Variants in MALRD1 observed in about 807,000 individuals in gnomAD.
MALRD1 encodes the protein MAM and LDL-receptor class A domain-containing protein 1.
In MALRD1, 247 loss-of-function variants were observed where a neutral mutation model predicts 242.1. The ratio of observed to expected loss-of-function variants is 1.02; its 90% CI spans 0.92 to 1.13. The LOEUF (loss-of-function observed/expected upper bound fraction) is 1.13. MALRD1 is among the 50% of genes most tolerant of loss of function. MALRD1 has a pLI of 0.00. For synonymous variants in MALRD1, 995 were observed against 866.6 expected (o/e 1.15, Z -2.60); for missense variants, 2,989 against 2,533.1 (o/e 1.18, Z -3.86).
intron 19 of MALRD1, among the ~76,000 whole-genome samples, chr10:19,268,779 G>A (rs1287520724): frequency 2.0e-5 from 3 of 152,102 alleles, no homozygotes; most frequent in Non-Finnish European, 4.4e-5. Context: ...AAACAAGTTG[G>A]AAAATCTATT....
At chr10:19,088,759 C>T (rs1459466284) in intron 4 of MALRD1, among the ~76,000 whole-genome samples, 3 of 76,374 alleles carry the variant, frequency 3.9e-5, no homozygotes, top group Non-Finnish European at 5.0e-5. Context: ...ACCACAGTCC[C>T]CAGAGTGTGA....
intron 18 of MALRD1, among the ~76,000 whole-genome samples, chr10:19,216,011 T>C (rs1432407090): frequency 6.6e-6 from 1 of 151,886 alleles, no homozygotes; most frequent in Non-Finnish European, 1.5e-5. Context: ...TCAAGACCTT[T>C]CCTTGTCAGT....
At chr10:19,072,998 T>A (rs1315729467) in intron 2 of MALRD1, among the ~76,000 whole-genome samples, 1 of 151,746 alleles carries the variant, frequency 6.6e-6, no homozygotes, top group East Asian at 2.0e-4. Flanking sequence ...TACTGCAACC[T>A]CCCCCTCCTG....
chr10:19,723,197 C>G (rs990547560), intron 38 of MALRD1, among the ~76,000 whole-genome samples: 6 of 152,064 alleles, frequency 3.9e-5, no homozygotes, highest in African/African-American at 1.4e-4. Context: ...GAACCAATGC[C>G]TCCACACACG....
chr10:19,581,811 GTTGA>G (rs1299995903), intron 33 of MALRD1, among the ~76,000 whole-genome samples: 1 of 151,040 alleles, frequency 6.6e-6, no homozygotes, highest in African/African-American at 2.4e-5. Flanking sequence ...TTCCACAATG[GTTGA>G]ACTAGTTGAC....
chr10:19,398,715 T>C (rs1021792577), intron 28 of MALRD1, among the ~76,000 whole-genome samples: 4 of 152,204 alleles, frequency 2.6e-5, no homozygotes, highest in African/African-American at 9.6e-5. Context: ...TATGAGGACA[T>C]CTATCTTATG....
intron 21 of MALRD1, among the ~76,000 whole-genome samples, chr10:19,302,990 CAA>C (rs1458864613): frequency 1.3e-5 from 2 of 151,350 alleles, no homozygotes; most frequent in Non-Finnish European, 3.0e-5. Context: ...AAAGTTGAAA[CAA>C]AGAGTATAAA....
At chr10:19,255,113 G>A (rs1401706568) in intron 18 of MALRD1, among the ~76,000 whole-genome samples, 1 of 151,988 alleles carries the variant, frequency 6.6e-6, no homozygotes, top group Non-Finnish European at 1.5e-5. Flanking sequence ...GCAAAGAACA[G>A]CTTGGATGAG....
intron 38 of MALRD1, among the ~76,000 whole-genome samples, chr10:19,705,804 T>TG (rs71388859): frequency 4.9e-5 from 5 of 102,902 alleles, no homozygotes; most frequent in Non-Finnish European, 7.1e-5. Context: ...CCTGCAATAG[T>TG]AAAAAAAAAA....
At chr10:19,433,646 T>G (rs968836638) in intron 28 of MALRD1, among the ~76,000 whole-genome samples, 1 of 152,150 alleles carries the variant, frequency 6.6e-6, no homozygotes, top group African/African-American at 2.4e-5. Flanking sequence ...TGTCAGATGT[T>G]GCTTTATTAA....
At chr10:19,131,227 A>G (rs1046736669) in intron 8 of MALRD1, among the ~76,000 whole-genome samples, 4 of 152,192 alleles carry the variant, frequency 2.6e-5, no homozygotes, top group African/African-American at 9.6e-5. Flanking sequence ...ACATCTTTCC[A>G]TGAATAGAAT....
chr10:19,583,146 A>G lies in MALRD1; in HGVS notation c.5681-12048A>G, dbSNP rs1037509686. Among the ~76,000 whole-genome samples, 694 of 130,540 alleles carry G rather than the reference A, an allele frequency of 5.3e-3. 12 individuals are homozygous for G. Among genetic ancestry groups the G allele is most frequent in the African/African-American group, 0.021 (658 of 31,312 alleles). 85.6% of individuals were successfully genotyped at this position (130,540 alleles called of 152,430 possible). ...GGGCTGAGACGATGGGGTTTTCTAGATATACAATCATGTCATCTGCAAACA... is the reference window on the plus strand; with the variant it reads ...GGGCTGAGACGATGGGGTTTTCTAGGTATACAATCATGTCATCTGCAAACA... On this transcript the variant is annotated intron_variant, in intron 33 of 39. Coordinates refer to ENST00000454679, the MANE Select transcript of MALRD1 (RefSeq NM_001142308.3).
In MALRD1 at chr10:19,387,685, C is replaced by A; in HGVS notation, c.4599C>A (p.Ser1533=). 1 of 1,550,262 alleles carries A rather than the reference C, an allele frequency of 6.5e-7. No individual in the cohort carries two copies. The highest frequency in any genetic ancestry group is 8.7e-7 in the Non-Finnish European group (1 of 1,146,858). The stretch of plus-strand genomic sequence containing the variant: ...AAGGCTGGTGTGGCTGGCAAAACTC[C>A]CAGGCTGACAACTTTGATTGGGTTT... ...FEKGWCGWQN[S]QADNFDWVLG... The change falls in exon 27 of 40, where the codon TCC becomes TCA. Residue 1533 remains serine (S), a synonymous_variant. Transcript: ENST00000454679.
chr10:19,323,955 C>T lies in MALRD1; in HGVS notation c.3426C>T (p.Thr1142=). 1.3e-6 allele frequency: 2 copies of T among 1,550,452 alleles called. No homozygotes were observed. The highest frequency in any genetic ancestry group is 1.7e-6 in the Non-Finnish European group (2 of 1,146,770). Residue 1142 remains threonine, a synonymous_variant, in exon 22 of 40, where the codon ACC becomes ACT. Transcript: ENST00000454679. ...TGATAAATTCCTTTTCCAGAAATAC[C>T]ACTGATGGCTGGTACCTGTATGCTG... ...HRPSVDHTQN[T]TDGWYLYADS...
chr10:19,085,427 A>G (rs2131290872), intron 2 of MALRD1, among the ~76,000 whole-genome samples: 1 of 152,146 alleles, frequency 6.6e-6, no homozygotes, highest in South Asian at 2.1e-4. Flanking sequence ...TCACTAAGTT[A>G]AAATTAAACA....
intron 26 of MALRD1, among the ~76,000 whole-genome samples, chr10:19,367,202 A>G (rs1213205035): frequency 2.0e-5 from 3 of 152,016 alleles, no homozygotes; most frequent in Non-Finnish European, 1.5e-5. Context: ...GTAATACACT[A>G]GATCTTACTC....
chr10:19,493,668 G>A (rs1033313456), intron 30 of MALRD1, among the ~76,000 whole-genome samples: 1 of 136,940 alleles, frequency 7.3e-6, no homozygotes, highest in Non-Finnish European at 1.5e-5. Flanking sequence ...AAAAAAATTA[G>A]CCGTTCCTGG....
At chr10:19,527,135 A>T (rs1010671745) in intron 31 of MALRD1, among the ~76,000 whole-genome samples, 1 of 152,188 alleles carries the variant, frequency 6.6e-6, no homozygotes, top group African/African-American at 2.4e-5. Flanking sequence ...AAATGTTGTT[A>T]GGTACCAGGC....
Position 19,640,616 on chromosome 10 carries a change from T to G in MALRD1, c.6137+24693T>G, listed in dbSNP as rs568969132. On this transcript the variant is annotated intron_variant, in intron 36 of 39. Coordinates refer to ENST00000454679, the MANE Select transcript of MALRD1 (RefSeq NM_001142308.3). ...GTTCTATATAAGATATTTTATGGAG[T>G]CTCCTAGCACTAGACTATTTTGGAA... Among the ~76,000 whole-genome samples, 8 of 152,290 alleles carry G rather than the reference T, an allele frequency of 5.3e-5. No individual in the cohort carries two copies. In the East Asian group the frequency reaches 1.5e-3, roughly 29 times the overall value.
Sources: allele counts gnomAD v4.1 joint callset (sites outside exome capture counted in the v4.1 genomes callset), GRCh38; gene constraint gnomAD v4.1.1; transcripts MANE v1.5; gene names NCBI Gene and HGNC (gene_info 2026-07-23, HGNC 2026-07-21).